The following PKNOX2 variants were observed in gnomAD, a reference collection of about 807,000 sequenced individuals.
PKNOX2 encodes homeobox protein PKNOX2.
In PKNOX2, 14 loss-of-function variants were observed where a neutral mutation model predicts 53.1. The observed-to-expected ratio is 0.26, with a 90% CI of 0.17 to 0.41. PKNOX2 has a LOEUF of 0.41. PKNOX2 is among the 10% of genes least tolerant of loss of function. The pLI is 1.00. For missense variants in PKNOX2, 496 were observed against 602.8 expected (o/e 0.82, Z 1.85); for synonymous variants, 257 against 242.8 (o/e 1.06, Z -0.54).
At chr11:125,279,585 G>A (rs1016578930) in intron 2 of PKNOX2, among the ~76,000 whole-genome samples, 3 of 152,304 alleles carry the variant, frequency 2.0e-5, no homozygotes, top group African/African-American at 7.2e-5. Context: ...CAGCATCTGA[G>A]GGGCATCTGG....
chr11:125,260,805 A>G (rs1944788325), intron 2 of PKNOX2, among the ~76,000 whole-genome samples: 1 of 152,176 alleles, frequency 6.6e-6, no homozygotes, highest in Non-Finnish European at 1.5e-5. Flanking sequence ...TTTTCCTGCT[A>G]TACAAGAGAT....
chr11:125,308,328 C>A (rs113805417), intron 2 of PKNOX2, among the ~76,000 whole-genome samples: 1,995 of 152,306 alleles, frequency 0.013, 56 homozygotes, highest in African/African-American at 0.045. Flanking sequence ...GAGGAACCAC[C>A]CCCAAGAATG....
At chr11:125,402,335 G>A (rs1199802471) in intron 7 of PKNOX2, among the ~76,000 whole-genome samples, 2 of 152,106 alleles carry the variant, frequency 1.3e-5, no homozygotes, top group African/African-American at 2.4e-5. Context: ...AAGGAGACTG[G>A]TTCTAGACCC....
intron 5 of PKNOX2, among the ~76,000 whole-genome samples, chr11:125,379,471 G>A (rs1456491009): frequency 3.9e-5 from 6 of 152,154 alleles, no homozygotes; most frequent in East Asian, 3.8e-4. Flanking sequence ...AGGAAGTTGC[G>A]GGGTCCATTC....
chr11:125,225,571 T>C (rs769755532), intron 1 of PKNOX2, among the ~76,000 whole-genome samples: 2 of 152,152 alleles, frequency 1.3e-5, no homozygotes, highest in Non-Finnish European at 2.9e-5. Context: ...CCCCACCCAC[T>C]GCCTCTGGGC....
chr11:125,201,660 T>C (rs904310501), intron 1 of PKNOX2, among the ~76,000 whole-genome samples: 1 of 151,872 alleles, frequency 6.6e-6, no homozygotes, highest in African/African-American at 2.4e-5. Flanking sequence ...AGCTGGAAAA[T>C]GGTGATTTTT....
chr11:125,264,449 A>T (rs1945143092), intron 2 of PKNOX2, among the ~76,000 whole-genome samples: 1 of 152,094 alleles, frequency 6.6e-6, no homozygotes, highest in Non-Finnish European at 1.5e-5. Context: ...TGGGAAACTG[A>T]GGTCAGGGAT....
intron 1 of PKNOX2, among the ~76,000 whole-genome samples, chr11:125,188,419 A>C (rs1012333459): frequency 6.6e-6 from 1 of 152,228 alleles, no homozygotes; most frequent in Non-Finnish European, 1.5e-5. Flanking sequence ...ACTGTGACTG[A>C]CAAGAGCTTG....
intron 3 of PKNOX2, among the ~76,000 whole-genome samples, chr11:125,343,017 T>G (rs1591535219): frequency 6.6e-6 from 1 of 151,736 alleles, no homozygotes; most frequent in Admixed American, 6.6e-5. Flanking sequence ...CAGAATCCGC[T>G]CTCTAGGTTA....
intron 1 of PKNOX2, among the ~76,000 whole-genome samples, chr11:125,195,883 GCACACACACACACA>G (rs56021315): frequency 0.025 from 3,645 of 143,910 alleles, 165 homozygotes; most frequent in African/African-American, 0.088. Context: ...ATATGTACAT[GCACACACACACACA>G]CACACACACA....
intron 2 of PKNOX2, among the ~76,000 whole-genome samples, chr11:125,309,212 T>TCC (rs1364500581): frequency 0.033 from 4,966 of 148,678 alleles, 317 homozygotes; most frequent in African/African-American, 0.12. Flanking sequence ...CTTCCTTCCT[T>TCC]TCTCTCTCTC....
intron 7 of PKNOX2, among the ~76,000 whole-genome samples, chr11:125,399,504 C>T (rs1227803013): frequency 3.3e-5 from 5 of 152,060 alleles, no homozygotes; most frequent in Non-Finnish European, 5.9e-5. Context: ...TGTGAGGCCT[C>T]GCCAAATGGA....
chr11:125,405,600 G>A (rs796238234), intron 7 of PKNOX2, among the ~76,000 whole-genome samples: 21 of 152,308 alleles, frequency 1.4e-4, no homozygotes, highest in African/African-American at 4.6e-4. Flanking sequence ...GCAATTTGGA[G>A]TAAAACTCCC....
rs113334151 is a variant in PKNOX2, at chr11:125,332,395, T to C, written c.-23+470T>C. 1.4e-3 allele frequency among the ~76,000 whole-genome samples: 215 copies of C among 152,298 alleles called. 4 individuals carry two copies. In the South Asian group the frequency reaches 0.02, roughly 14 times the overall value. On this transcript the variant is annotated intron_variant, in intron 3 of 12. Transcript: ENST00000298282. The stretch of plus-strand genomic sequence containing the variant: ...TCAGGAACCTGCACCCCAAATCTTT[T>C]TGATGCATGGAAACTGCATTCCAGG...
At chr11:125,365,789 C>G (rs562153951) in intron 4 of PKNOX2, among the ~76,000 whole-genome samples, 2 of 152,316 alleles carry the variant, frequency 1.3e-5, no homozygotes, top group Non-Finnish European at 2.9e-5. Flanking sequence ...CTGCCAGGCT[C>G]TCATGGAAAA....
intron 1 of PKNOX2, among the ~76,000 whole-genome samples, chr11:125,222,655 GC>G (rs1941291311): frequency 1.4e-5 from 2 of 139,980 alleles, no homozygotes; most frequent in African/African-American, 5.7e-5. Context: ...GTATGTGTGT[GC>G]TGTGTATGTG....
At chr11:125,232,154 C>T (rs538381696) in intron 1 of PKNOX2, among the ~76,000 whole-genome samples, 1 of 152,222 alleles carries the variant, frequency 6.6e-6, no homozygotes, top group African/African-American at 2.4e-5. Context: ...GTCCCCGTCT[C>T]ACATAGTTTC....
intron 2 of PKNOX2, among the ~76,000 whole-genome samples, chr11:125,259,667 C>G (rs1485810543): frequency 6.6e-6 from 1 of 152,182 alleles, no homozygotes; most frequent in Non-Finnish European, 1.5e-5. Context: ...CCTTTGGGAT[C>G]CTGGGGATGG....
chr11:125,281,212 A>C (rs1176135729), intron 2 of PKNOX2, among the ~76,000 whole-genome samples: 1 of 152,196 alleles, frequency 6.6e-6, no homozygotes, highest in Non-Finnish European at 1.5e-5. Context: ...GAGCCACCTC[A>C]GGAGGAAAGA....
Sources: gnomAD v4.1 joint callset for allele counts (sites outside exome capture counted in the v4.1 genomes callset) on GRCh38, gnomAD v4.1.1 for gene constraint, MANE v1.5 for transcripts, NCBI Gene and HGNC (gene_info 2026-07-23, HGNC 2026-07-21) for gene names.